BBS9: variants seen among roughly 807,000 people sequenced by gnomAD.
BBS9 encodes the protein Bardet-Biedl syndrome 9.
In BBS9, 89 loss-of-function variants were observed where a neutral mutation model predicts 117.7. That is an observed-to-expected ratio of 0.76 (90% CI 0.64 to 0.90). The LOEUF (loss-of-function observed/expected upper bound fraction) is 0.90. Among genes scored for constraint, BBS9 ranks in the 40% least tolerant of loss-of-function variants. The probability of loss-of-function intolerance (pLI) is 0.00; values close to 1 mark genes in which losing one functional copy is unlikely to be tolerated. For missense variants in BBS9, 982 were observed against 1,042.2 expected, an observed-to-expected ratio of 0.94 and a Z score of 0.80; for synonymous variants, 379 against 370.9, an observed-to-expected ratio of 1.02 and a Z score of -0.25.
chr7:33,629,021 C>T (rs1316803295), intron 21 of BBS9, among the ~76,000 whole-genome samples: 1 of 152,052 alleles, frequency 6.6e-6, no homozygotes, highest in African/African-American at 2.4e-5. Context: ...TAACCTGGGA[C>T]AGGTATTGGA....
At chr7:33,453,162 G>C (rs1216740361) in intron 19 of BBS9, among the ~76,000 whole-genome samples, 1 of 152,218 alleles carries the variant, frequency 6.6e-6, no homozygotes, top group African/African-American at 2.4e-5. Flanking sequence ...GTTAAGAGTG[G>C]TGATATCATT....
At chr7:33,249,855 C>T (rs918249003) in intron 5 of BBS9, among the ~76,000 whole-genome samples, 1 of 152,138 alleles carries the variant, frequency 6.6e-6, no homozygotes, top group Non-Finnish European at 1.5e-5. Flanking sequence ...GTATAATTGC[C>T]TCTGCATCTT....
chr7:33,166,536 G>A (rs376310035), intron 4 of BBS9, among the ~76,000 whole-genome samples: 4 of 152,352 alleles, frequency 2.6e-5, no homozygotes, highest in African/African-American at 4.8e-5. Context: ...TCCTCCAGCC[G>A]CTTTGTTTAC....
intron 19 of BBS9, among the ~76,000 whole-genome samples, chr7:33,411,686 T>C (rs915630353): frequency 2.6e-5 from 4 of 152,176 alleles, no homozygotes; most frequent in African/African-American, 7.2e-5. Flanking sequence ...AAATGTTCAA[T>C]GTAATATGTA....
intron 9 of BBS9, among the ~76,000 whole-genome samples, chr7:33,303,531 C>CA (rs1554406659): frequency 8.3e-6 from 1 of 120,772 alleles, no homozygotes. Flanking sequence ...CTCCCCCCGC[C>CA]CCTTCTTTCT....
At chr7:33,261,466 A>G (rs1167860966) in intron 6 of BBS9, among the ~76,000 whole-genome samples, 4 of 152,200 alleles carry the variant, frequency 2.6e-5, no homozygotes, top group Non-Finnish European at 4.4e-5. Flanking sequence ...TCCCCGGCAT[A>G]GTCAAGAATG....
chr7:33,416,331 C>A (rs1392643108), intron 19 of BBS9, among the ~76,000 whole-genome samples: 1 of 151,338 alleles, frequency 6.6e-6, no homozygotes, highest in Non-Finnish European at 1.5e-5. Context: ...TGTCTCCTGA[C>A]ACAGCCTGAG....
At chr7:33,222,407 A>C (rs990347567) in intron 5 of BBS9, among the ~76,000 whole-genome samples, 7 of 152,126 alleles carry the variant, frequency 4.6e-5, no homozygotes, top group African/African-American at 1.7e-4. Context: ...TGTGGCTTTC[A>C]ACAGGGAATT....
At chr7:33,543,160 G>A (rs560641094) in intron 21 of BBS9, among the ~76,000 whole-genome samples, 1 of 152,228 alleles carries the variant, frequency 6.6e-6, no homozygotes, top group Non-Finnish European at 1.5e-5. Context: ...ATTCTTGCAG[G>A]AGTAAGGTGG....
At chr7:33,413,742 C>T (rs1831520159) in intron 19 of BBS9, among the ~76,000 whole-genome samples, 1 of 152,128 alleles carries the variant, frequency 6.6e-6, no homozygotes, top group African/African-American at 2.4e-5. Flanking sequence ...CCAGACCAGG[C>T]CGGGCGCAGT....
intron 9 of BBS9, among the ~76,000 whole-genome samples, chr7:33,298,221 A>G (rs973461929): frequency 2.6e-5 from 4 of 151,986 alleles, no homozygotes; most frequent in African/African-American, 4.8e-5. Context: ...GTGTTGGGGT[A>G]TTATAAAGGT....
chr7:33,462,296 G>A (rs1240580949), intron 19 of BBS9, among the ~76,000 whole-genome samples: 1 of 152,022 alleles, frequency 6.6e-6, no homozygotes, highest in Non-Finnish European at 1.5e-5. Context: ...TTTGAAGTTG[G>A]TCAGGCTTTC....
chr7:33,337,639 G>A (rs978459093), intron 10 of BBS9, among the ~76,000 whole-genome samples: 1 of 152,112 alleles, frequency 6.6e-6, no homozygotes, highest in Non-Finnish European at 1.5e-5. Flanking sequence ...GGTCTTTCAA[G>A]TACCTCCAAT....
At chr7:33,580,981 T>G (rs1042981767) in intron 21 of BBS9, among the ~76,000 whole-genome samples, 1 of 152,108 alleles carries the variant, frequency 6.6e-6, no homozygotes, top group African/African-American at 2.4e-5. Context: ...TAAGTATCCA[T>G]ACCAAGCTGT....
chr7:33,322,546 A>C (rs1811957355), intron 9 of BBS9, among the ~76,000 whole-genome samples: 1 of 151,870 alleles, frequency 6.6e-6, no homozygotes, highest in African/African-American at 2.4e-5. Flanking sequence ...CATAGTAGCC[A>C]CTAATGATCC....
intron 21 of BBS9, among the ~76,000 whole-genome samples, chr7:33,564,509 T>C (rs1856562866): frequency 6.6e-6 from 1 of 152,210 alleles, no homozygotes; most frequent in Non-Finnish European, 1.5e-5. Context: ...AGATAATGCA[T>C]GGAAGACACT....
chr7:33,452,550 A>T (rs1226108043), intron 19 of BBS9, among the ~76,000 whole-genome samples: 1 of 152,136 alleles, frequency 6.6e-6, no homozygotes, highest in Admixed American at 6.5e-5. Flanking sequence ...TATGTCCCTT[A>T]TGGGGTTGTT....
At chr7:33,427,825 A>G (rs958675313) in intron 19 of BBS9, among the ~76,000 whole-genome samples, 3 of 152,176 alleles carry the variant, frequency 2.0e-5, no homozygotes, top group Non-Finnish European at 4.4e-5. Context: ...AACACCAGCT[A>G]CTGTGTAGCT....
chr7:33,411,892 A>G (rs974155582), intron 19 of BBS9, among the ~76,000 whole-genome samples: 3 of 152,172 alleles, frequency 2.0e-5, no homozygotes, highest in African/African-American at 7.2e-5. Flanking sequence ...CTCAAGGAGC[A>G]CGATGTTTTA....
Sources: allele counts gnomAD v4.1 joint callset (sites outside exome capture counted in the v4.1 genomes callset), GRCh38; gene constraint gnomAD v4.1.1; transcripts MANE v1.5; gene names NCBI Gene and HGNC (gene_info 2026-07-23, HGNC 2026-07-21).